The following TRHDE variants were observed in gnomAD, a reference collection of about 807,000 sequenced individuals.
TRHDE encodes thyrotropin-releasing hormone-degrading ectoenzyme.
TRHDE carries 72 observed loss-of-function variants against 125.7 expected under a neutral mutation model. That is an observed-to-expected ratio of 0.57 (90% CI 0.47 to 0.70). The LOEUF is 0.70. TRHDE is among the 30% of genes least tolerant of loss of function. TRHDE has a pLI of 0.00. For missense variants in TRHDE, 1,110 were observed against 1,327.1 expected (o/e 0.84, Z 2.54); for synonymous variants, 509 against 509.1 (o/e 1.00, Z 0.00).
intron 3 of TRHDE, among the ~76,000 whole-genome samples, chr12:72,391,644 C>T (rs1280718160): frequency 2.0e-5 from 3 of 152,028 alleles, no homozygotes; most frequent in Admixed American, 6.6e-5. Flanking sequence ...AAAATATTCA[C>T]GAAGCCATAA....
intron 6 of TRHDE, among the ~76,000 whole-genome samples, chr12:72,530,964 C>G (rs958114084): frequency 3.3e-5 from 5 of 152,024 alleles, no homozygotes; most frequent in African/African-American, 1.2e-4. Flanking sequence ...ATCAAAGTGC[C>G]TTACACAGCA....
At chr12:72,212,672 A>T (rs1877808003) in intron 2 of TRHDE, among the ~76,000 whole-genome samples, 1 of 152,174 alleles carries the variant, frequency 6.6e-6, no homozygotes, top group Admixed American at 6.5e-5. Flanking sequence ...ATAATGTAAG[A>T]GATAGACAAT....
chr12:72,608,215 C>T lies in TRHDE; in HGVS notation c.2322-10676C>T, dbSNP rs945542072. On this transcript the variant is annotated intron_variant, in intron 12 of 18. Transcript: ENST00000261180. ...CATATGCCATTATTTGAGTCCTTCA[C>T]GCTTTCCTTCTCAGGCAAGGTATAG... Among the ~76,000 whole-genome samples the T allele has an allele frequency of 3.9e-5, 6 of 152,132 alleles. No individual in the cohort carries two copies. In the South Asian group the frequency reaches 6.2e-4, roughly 16 times the overall value.
At position 72,502,229 on chromosome 12, in the gene TRHDE, C is replaced by T. The variant is rs192601889; in HGVS notation, c.1722+2594C>T. On this transcript the variant is annotated intron_variant, in intron 6 of 18. Coordinates refer to ENST00000261180, the MANE Select transcript of TRHDE (RefSeq NM_013381.3). ...TTAAATTCTTCTTTTCTCTACTTTC[C>T]TAAGGTAGAAGCTGAGGTCATTAAC... Among the ~76,000 whole-genome samples, 483 of 152,006 alleles carry T rather than the reference C, an allele frequency of 3.2e-3. 2 individuals are homozygous for T. Among genetic ancestry groups the T allele is most frequent in the African/African-American group, 0.011 (447 of 41,508 alleles).
At chr12:72,516,012 G>C (rs971588306) in intron 6 of TRHDE, among the ~76,000 whole-genome samples, 1 of 149,750 alleles carries the variant, frequency 6.7e-6, no homozygotes, top group African/African-American at 2.5e-5. Flanking sequence ...TCTCTGTTTT[G>C]GTACCAGTAC....
At chr12:72,302,836 G>A (rs1432322952) in intron 2 of TRHDE, among the ~76,000 whole-genome samples, 1 of 152,180 alleles carries the variant, frequency 6.6e-6, no homozygotes, top group Non-Finnish European at 1.5e-5. Flanking sequence ...GGTTTCTCAA[G>A]CTCAAGCTCT....
At chr12:72,146,693 C>T (rs1876234869) in intron 2 of TRHDE, among the ~76,000 whole-genome samples, 1 of 152,206 alleles carries the variant, frequency 6.6e-6, no homozygotes, top group Non-Finnish European at 1.5e-5. Context: ...TCTGCAACTC[C>T]CGTGTTACAA....
At chr12:72,652,515 G>T in intron 16 of TRHDE, 26 bp downstream of exon 16, 1 of 1,544,264 alleles carries the variant, frequency 6.5e-7, no homozygotes, top group Admixed American at 1.9e-5. Context: ...TTCTAAATGT[G>T]TTTCTCTAAT....
chr12:72,451,245 T>C (rs1033418066), intron 3 of TRHDE, among the ~76,000 whole-genome samples: 1 of 152,174 alleles, frequency 6.6e-6, no homozygotes, highest in Admixed American at 6.5e-5. Context: ...TTCTAGTGGT[T>C]TTATAGTTTC....
At chr12:72,329,360 A>C (rs1869478893) in intron 2 of TRHDE, among the ~76,000 whole-genome samples, 1 of 152,224 alleles carries the variant, frequency 6.6e-6, no homozygotes, top group African/African-American at 2.4e-5. Flanking sequence ...AGGCTACAAG[A>C]AAATGCCGTT....
intron 2 of TRHDE, chr12:72,255,667 T>C (rs1276978853): frequency 1.3e-5 from 2 of 152,180 alleles, no homozygotes; most frequent in Non-Finnish European, 2.9e-5. Flanking sequence ...TAACTTGAGA[T>C]GTTACATTCC....
intron 3 of TRHDE, among the ~76,000 whole-genome samples, chr12:72,428,110 A>G (rs1189717345): frequency 6.6e-6 from 1 of 152,106 alleles, no homozygotes; most frequent in East Asian, 1.9e-4. Flanking sequence ...GGTTCATATT[A>G]TTTCATATAT....
intron 2 of TRHDE, among the ~76,000 whole-genome samples, chr12:72,327,364 T>G (rs1869386947): frequency 6.6e-6 from 1 of 152,186 alleles, no homozygotes; most frequent in South Asian, 2.1e-4. Flanking sequence ...TCCCATTGAT[T>G]GGGAGAGTGT....
intron 2 of TRHDE, among the ~76,000 whole-genome samples, chr12:72,208,631 G>A (rs1195518104): frequency 6.6e-6 from 1 of 152,082 alleles, no homozygotes; most frequent in African/African-American, 2.4e-5. Context: ...TTTCTGATCT[G>A]CAAATTGGGA....
At chr12:72,548,202 T>C (rs1325449950) in intron 7 of TRHDE, among the ~76,000 whole-genome samples, 1 of 151,756 alleles carries the variant, frequency 6.6e-6, no homozygotes, top group Non-Finnish European at 1.5e-5. Flanking sequence ...ACCTGGAGTA[T>C]AAATATACTG....
intron 9 of TRHDE, among the ~76,000 whole-genome samples, chr12:72,566,011 A>C (rs1387579217): frequency 6.6e-6 from 1 of 152,200 alleles, no homozygotes; most frequent in South Asian, 2.1e-4. Flanking sequence ...TTTACAACAT[A>C]GAGGGCTTTT....
intron 2 of TRHDE, among the ~76,000 whole-genome samples, chr12:72,145,028 G>A (rs900560787): frequency 6.6e-6 from 1 of 152,092 alleles, no homozygotes; most frequent in African/African-American, 2.4e-5. Flanking sequence ...CAGATTAGGG[G>A]ATGAAGGTGG....
chr12:72,525,169 G>A (rs945006581), intron 6 of TRHDE, among the ~76,000 whole-genome samples: 2 of 152,044 alleles, frequency 1.3e-5, no homozygotes, highest in Non-Finnish European at 2.9e-5. Flanking sequence ...GAACAAAAGT[G>A]TACTCTTATT....
intron 6 of TRHDE, among the ~76,000 whole-genome samples, chr12:72,535,534 A>C (rs1013532842): frequency 1.3e-5 from 2 of 151,876 alleles, no homozygotes; most frequent in African/African-American, 2.4e-5. Context: ...TATGGAATTA[A>C]TTTTCTTTCC....
Sources: gnomAD v4.1 joint callset for allele counts (sites outside exome capture counted in the v4.1 genomes callset) on GRCh38, gnomAD v4.1.1 for gene constraint, MANE v1.5 for transcripts, NCBI Gene and HGNC (gene_info 2026-07-23, HGNC 2026-07-21) for gene names.